Variants in PAPSS1 observed in about 807,000 individuals in gnomAD.
PAPSS1 encodes 3'-phosphoadenosine 5'-phosphosulfate synthase 1.
In PAPSS1, 50 loss-of-function variants were observed where a neutral mutation model predicts 72.0. That is an observed-to-expected ratio of 0.69 (90% CI 0.55 to 0.88). PAPSS1 has a LOEUF of 0.88. Ranked by LOEUF, PAPSS1 falls within the 40% of genes least tolerant of loss-of-function variation. The probability of loss-of-function intolerance (pLI) is 0.00; values close to 1 mark genes in which losing one functional copy is unlikely to be tolerated. For synonymous variants in PAPSS1, 261 were observed against 263.6 expected (o/e 0.99, Z 0.09); for missense variants, 657 against 782.2 (o/e 0.84, Z 1.91).
At chr4:107,639,559 A>ACATAATC (rs1418908598) in intron 10 of PAPSS1, among the ~76,000 whole-genome samples, 3 of 152,202 alleles carry the variant, frequency 2.0e-5, no homozygotes, top group Non-Finnish European at 4.4e-5. Context: ...AATAAGTAAT[A>ACATAATC]CATAATCCTA....
At chr4:107,659,692 A>T (rs1169981832) in intron 6 of PAPSS1, among the ~76,000 whole-genome samples, 1 of 152,178 alleles carries the variant, frequency 6.6e-6, no homozygotes, top group African/African-American at 2.4e-5. Flanking sequence ...TGATAAGCCT[A>T]AGGATCTCAT....
chr4:107,663,829 T>C (rs927171663), intron 5 of PAPSS1, among the ~76,000 whole-genome samples: 1 of 152,218 alleles, frequency 6.6e-6, no homozygotes, highest in African/African-American at 2.4e-5. Context: ...AATTAGACTA[T>C]ATCTTCCAAG....
chr4:107,671,111 C>A (rs1230367907), intron 5 of PAPSS1, among the ~76,000 whole-genome samples: 1 of 152,058 alleles, frequency 6.6e-6, no homozygotes. Context: ...ATCATAAATA[C>A]CACAGGAATC....
intron 1 of PAPSS1, among the ~76,000 whole-genome samples, chr4:107,716,951 T>C (rs1037718305): frequency 3.9e-5 from 6 of 152,164 alleles, no homozygotes; most frequent in Admixed American, 3.3e-4. Flanking sequence ...TTCCTTATAT[T>C]CTTTAACTCA....
chr4:107,621,367 A>G (rs972251369), intron 11 of PAPSS1, among the ~76,000 whole-genome samples: 17 of 152,164 alleles, frequency 1.1e-4, no homozygotes, highest in African/African-American at 4.1e-4. Flanking sequence ...AACTGCGTAC[A>G]ACTGTGTTAG....
At chr4:107,649,635 A>C (rs999608473) in intron 9 of PAPSS1, among the ~76,000 whole-genome samples, 1 of 152,152 alleles carries the variant, frequency 6.6e-6, no homozygotes, top group Admixed American at 6.5e-5. Flanking sequence ...CCAAACATAG[A>C]TCTGCTTCTG....
At chr4:107,615,447 C>T (rs1289686364) in intron 11 of PAPSS1, among the ~76,000 whole-genome samples, 1 of 152,102 alleles carries the variant, frequency 6.6e-6, no homozygotes, top group African/African-American at 2.4e-5. Flanking sequence ...CATAAACTAC[C>T]AAGTGGCCCT....
chr4:107,702,237 A>G (rs982371675), intron 1 of PAPSS1, among the ~76,000 whole-genome samples: 4 of 152,214 alleles, frequency 2.6e-5, no homozygotes, highest in African/African-American at 7.2e-5. Context: ...TTGTTGCGAA[A>G]ATAGTAGTCA....
intron 5 of PAPSS1, among the ~76,000 whole-genome samples, chr4:107,677,759 C>T (rs1420796143): frequency 4.6e-5 from 7 of 152,306 alleles, no homozygotes; most frequent in African/African-American, 1.7e-4. Context: ...TGGCACTATT[C>T]ACCATAGCAA....
intron 9 of PAPSS1, among the ~76,000 whole-genome samples, chr4:107,651,865 T>C (rs1317279574): frequency 1.3e-5 from 2 of 152,168 alleles, no homozygotes; most frequent in African/African-American, 4.8e-5. Context: ...CTTTTTAAAG[T>C]AAAATGTTAT....
At chr4:107,672,048 T>G (rs1421907765) in intron 5 of PAPSS1, among the ~76,000 whole-genome samples, 2 of 152,192 alleles carry the variant, frequency 1.3e-5, no homozygotes, top group Non-Finnish European at 2.9e-5. Context: ...GGAAAAATAC[T>G]AGAACTATAG....
chr4:107,718,134 T>C (rs1168370097), intron 1 of PAPSS1, among the ~76,000 whole-genome samples: 1 of 152,190 alleles, frequency 6.6e-6, no homozygotes, highest in Non-Finnish European at 1.5e-5. Flanking sequence ...ATTTTAAAGG[T>C]ATATGGGTTC....
At chr4:107,677,697 A>T (rs989748756) in intron 5 of PAPSS1, among the ~76,000 whole-genome samples, 2 of 152,236 alleles carry the variant, frequency 1.3e-5, no homozygotes, top group Non-Finnish European at 2.9e-5. Context: ...TATATACCCA[A>T]AGGACTATAA....
rs188781815 is a variant in PAPSS1 at position 107,686,032 on chromosome 4, G to A, written c.550+1007C>T. Among the ~76,000 whole-genome samples the A allele has an allele frequency of 1.8e-3, 269 of 152,208 alleles. 2 individuals carry two copies. The highest frequency in any genetic ancestry group is 5.7e-3 in the African/African-American group (238 of 41,526). ...TTTTGTTTTTGCCAGCAAGTCCTTT[G>A]TTTCTGTTAACAATAATGGAACAGG... On this transcript the variant is annotated intron_variant, in intron 4 of 11. Coordinates refer to ENST00000265174, the MANE Select transcript of PAPSS1 (RefSeq NM_005443.5).
intron 11 of PAPSS1, among the ~76,000 whole-genome samples, chr4:107,622,976 A>T (rs1398061619): frequency 6.6e-6 from 1 of 152,246 alleles, no homozygotes; most frequent in Non-Finnish European, 1.5e-5. Flanking sequence ...TTCATTTAAT[A>T]TAACAATTAT....
At chr4:107,634,305 C>T (rs140367191) in intron 10 of PAPSS1, among the ~76,000 whole-genome samples, 58 of 152,230 alleles carry the variant, frequency 3.8e-4, no homozygotes, top group African/African-American at 9.9e-4. Context: ...TGTAAGCCAC[C>T]GTGCCTGGCC....
At chr4:107,672,131 C>T (rs1727490323) in intron 5 of PAPSS1, among the ~76,000 whole-genome samples, 1 of 152,160 alleles carries the variant, frequency 6.6e-6, no homozygotes, top group South Asian at 2.1e-4. Context: ...CTACAGCTCC[C>T]AGTGTGAGCG....
chr4:107,619,970 T>G (rs1451461523), intron 11 of PAPSS1, among the ~76,000 whole-genome samples: 4 of 152,174 alleles, frequency 2.6e-5, no homozygotes, highest in Non-Finnish European at 5.9e-5. Context: ...AACTCCAAAG[T>G]AGAGATGACT....
intron 8 of PAPSS1, among the ~76,000 whole-genome samples, chr4:107,653,945 G>A (rs1460126708): frequency 2.0e-5 from 3 of 152,116 alleles, no homozygotes; most frequent in African/African-American, 7.2e-5. Context: ...GTAGCTCTGG[G>A]TCACCCCACA....
Sources: allele counts gnomAD v4.1 joint callset (sites outside exome capture counted in the v4.1 genomes callset), GRCh38; gene constraint gnomAD v4.1.1; transcripts MANE v1.5; gene names NCBI Gene and HGNC (gene_info 2026-07-23, HGNC 2026-07-21).